RBFOX1: variants seen among roughly 807,000 people sequenced by gnomAD.
RBFOX1 encodes the protein RNA binding protein fox-1 homolog 1.
Under a neutral mutation model 57.7 loss-of-function variants are expected in RBFOX1, and 8 were observed. The observed-to-expected ratio is 0.14, with a 90% CI of 0.08 to 0.25. The LOEUF is 0.25. Among genes scored for constraint, RBFOX1 ranks in the 10% least tolerant of loss-of-function variants. RBFOX1 has a pLI of 1.00. For synonymous variants in RBFOX1, 326 were observed against 222.4 expected (o/e 1.47, Z -4.15); for missense variants, 611 against 548.5 (o/e 1.11, Z -1.14).
At chr16:6,557,677 C>A (rs17140592) in intron 2 of RBFOX1, among the ~76,000 whole-genome samples, 1 of 152,102 alleles carries the variant, frequency 6.6e-6, no homozygotes, top group Non-Finnish European at 1.5e-5. Context: ...ATGCTCCTTT[C>A]GACCAAGTAT....
chr16:6,220,728 C>CT (rs5815292), intron 1 of RBFOX1, among the ~76,000 whole-genome samples: 9 of 119,066 alleles, frequency 7.6e-5, no homozygotes, highest in Non-Finnish European at 1.1e-4. Flanking sequence ...AACCGCCCCC[C>CT]CCCAGTGGAA....
intron 4 of RBFOX1, among the ~76,000 whole-genome samples, chr16:7,438,707 G>T (rs1008975327): frequency 1.3e-5 from 2 of 152,136 alleles, no homozygotes; most frequent in Non-Finnish European, 2.9e-5. Flanking sequence ...CTTCAGAGAG[G>T]GTTTCCATTT....
intron 3 of RBFOX1, among the ~76,000 whole-genome samples, chr16:5,857,334 G>A (rs1043320531): frequency 3.3e-5 from 5 of 152,214 alleles, no homozygotes; most frequent in African/African-American, 1.2e-4. Context: ...TGTAACAGAT[G>A]TAATAATCAT....
At chr16:7,193,310 A>C (rs897279302) in intron 4 of RBFOX1, among the ~76,000 whole-genome samples, 1 of 152,160 alleles carries the variant, frequency 6.6e-6, no homozygotes, top group African/African-American at 2.4e-5. Context: ...CTGCCGCTAG[A>C]GTCTAGAAAA....
At chr16:6,615,531 C>T (rs2098129424) in intron 2 of RBFOX1, among the ~76,000 whole-genome samples, 1 of 151,124 alleles carries the variant, frequency 6.6e-6, no homozygotes, top group Non-Finnish European at 1.5e-5. Context: ...GATCGCACCA[C>T]ATCTCTCCAT....
chr16:7,103,449 TC>T (rs1423903951), intron 4 of RBFOX1, among the ~76,000 whole-genome samples: 2 of 152,174 alleles, frequency 1.3e-5, no homozygotes, highest in Admixed American at 1.3e-4. Context: ...CCACCTTCAG[TC>T]CTGCTGAATT....
chr16:7,663,885 G>A (rs780115672), intron 12 of RBFOX1, among the ~76,000 whole-genome samples: 69 of 152,268 alleles, frequency 4.5e-4, no homozygotes, highest in East Asian at 7.7e-4. Flanking sequence ...TCACGACCAC[G>A]TAGCTAAGAG....
At chr16:7,121,236 G>A (rs2067111990) in intron 4 of RBFOX1, among the ~76,000 whole-genome samples, 1 of 151,952 alleles carries the variant, frequency 6.6e-6, no homozygotes, top group Non-Finnish European at 1.5e-5. Context: ...CCAAACTTAT[G>A]CCACATAGTA....
chr16:5,983,347 T>C (rs901586301), intron 4 of RBFOX1, among the ~76,000 whole-genome samples: 1 of 152,092 alleles, frequency 6.6e-6, no homozygotes, highest in African/African-American at 2.4e-5. Context: ...CTCCTGCACA[T>C]CCACTTAGAC....
intron 3 of RBFOX1, among the ~76,000 whole-genome samples, chr16:6,976,859 A>G (rs1458372892): frequency 9.9e-5 from 1 of 10,058 alleles, no homozygotes; most frequent in Non-Finnish European, 1.5e-4. Flanking sequence ...TATATCACAT[A>G]TATATCACAT....
At chr16:5,721,609 A>G (rs545783760) in intron 3 of RBFOX1, among the ~76,000 whole-genome samples, 4 of 152,312 alleles carry the variant, frequency 2.6e-5, no homozygotes, top group East Asian at 3.9e-4. Context: ...GTGTTTTCAT[A>G]GATTCCCTTT....
intron 4 of RBFOX1, among the ~76,000 whole-genome samples, chr16:7,193,910 T>G (rs960994269): frequency 3.9e-5 from 6 of 152,140 alleles, no homozygotes; most frequent in Non-Finnish European, 8.8e-5. Context: ...GGATAAGATA[T>G]TCTAGTAGCA....
At chr16:6,534,125 CA>C (rs1185595164) in intron 2 of RBFOX1, among the ~76,000 whole-genome samples, 1 of 151,424 alleles carries the variant, frequency 6.6e-6, no homozygotes, top group Non-Finnish European at 1.5e-5. Flanking sequence ...TTTGCAATGG[CA>C]AAAGAAGAAA....
intron 4 of RBFOX1, among the ~76,000 whole-genome samples, chr16:7,266,622 A>G (rs554690809): frequency 6.6e-6 from 1 of 152,276 alleles, no homozygotes; most frequent in African/African-American, 2.4e-5. Flanking sequence ...GGGCTTCCGC[A>G]TATGAATTTG....
intron 4 of RBFOX1, among the ~76,000 whole-genome samples, chr16:7,329,784 G>C (rs541039218): frequency 6.6e-6 from 1 of 152,148 alleles, no homozygotes; most frequent in Non-Finnish European, 1.5e-5. Context: ...ACAGCAAAAG[G>C]TTATTGTATC....
At chr16:6,747,041 T>A (rs1209703719) in intron 3 of RBFOX1, among the ~76,000 whole-genome samples, 1 of 152,152 alleles carries the variant, frequency 6.6e-6, no homozygotes, top group African/African-American at 2.4e-5. Flanking sequence ...ACAGAAGTCC[T>A]AGCAGACCTC....
intron 4 of RBFOX1, among the ~76,000 whole-genome samples, chr16:5,879,368 C>G (rs1177094060): frequency 6.6e-6 from 1 of 152,160 alleles, no homozygotes; most frequent in African/African-American, 2.4e-5. Flanking sequence ...TGCTCATGTC[C>G]TAGAGAAAAG....
chr16:6,970,014 C>A (rs1332281055), intron 3 of RBFOX1, among the ~76,000 whole-genome samples: 1 of 151,196 alleles, frequency 6.6e-6, no homozygotes, highest in African/African-American at 2.4e-5. Context: ...ATAGCAAGAC[C>A]CCATTTAAAA....
chr16:6,546,650 C>T (rs1460102121), intron 2 of RBFOX1, among the ~76,000 whole-genome samples: 3 of 152,224 alleles, frequency 2.0e-5, no homozygotes, highest in Non-Finnish European at 4.4e-5. Context: ...ATCCACCTTA[C>T]TGACCTCATC....
Sources: allele counts gnomAD v4.1 joint callset (sites outside exome capture counted in the v4.1 genomes callset), GRCh38; gene constraint gnomAD v4.1.1; transcripts MANE v1.5; gene names NCBI Gene and HGNC (gene_info 2026-07-23, HGNC 2026-07-21).